The following CCNI variants were observed in gnomAD, a reference collection of about 807,000 sequenced individuals.
CCNI encodes the protein cyclin-I.
A neutral mutation model predicts 34.1 loss-of-function variants in CCNI; 14 were observed. The ratio of observed to expected loss-of-function variants is 0.41; its 90% CI spans 0.27 to 0.64. The LOEUF is 0.64. Ranked by LOEUF, CCNI falls within the 30% of genes least tolerant of loss-of-function variation. The pLI is 0.31. For missense variants in CCNI, 385 were observed against 440.5 expected (o/e 0.87, Z 1.13); for synonymous variants, 154 against 158.4 (o/e 0.97, Z 0.21).
At position 77,058,456 on chromosome 4, in the gene CCNI, C is replaced by T. The variant is rs1728384199; in HGVS notation, c.243+51G>A. 2.7e-6 allele frequency: 4 copies of T among 1,466,860 alleles called. No homozygotes were observed. The East Asian group carries it at 9.2e-5, about 34-fold the overall frequency. The allele number at this position is 1,466,860 out of a possible 1,614,324, so 90.9% of individuals were successfully genotyped here. On this transcript the variant is annotated intron_variant, in intron 3 of 6. Transcript: ENST00000237654. ...TGTTCACTAATAGCCTCTAGTTTAG[C>T]ATACATACACTCAAATGAGGTTATA...
chr4:77,070,474 CT>C (rs543086530), intron 1 of CCNI, among the ~76,000 whole-genome samples: 12,317 of 119,140 alleles, frequency 0.1, 529 homozygotes, highest in African/African-American at 0.15. Context: ...TGGGTACTTT[CT>C]TTTTTTTTTT....
rs777359995 is a variant in CCNI at position 77,055,953 on chromosome 4, T to C, written c.459+9A>G. 1.2e-6 allele frequency: 2 copies of C among 1,602,336 alleles called. No homozygotes were observed. The highest frequency in any genetic ancestry group is 1.7e-6 in the Non-Finnish European group (2 of 1,173,662). On this transcript the variant is annotated intron_variant, in intron 5 of 6. Coordinates refer to ENST00000237654, the MANE Select transcript of CCNI (RefSeq NM_006835.3). ...AAATAAGAAACTAAAAGACTTCAGG[T>C]ATATTTACAATATGAAGAAAATCCA...
intron 1 of CCNI, among the ~76,000 whole-genome samples, chr4:77,067,048 A>G (rs113409133): frequency 5.9e-5 from 9 of 152,266 alleles, no homozygotes; most frequent in African/African-American, 1.9e-4. Flanking sequence ...CCTGGCCAAC[A>G]TGGTGAAACC....
chr4:77,071,493 T>C (rs968502296), intron 1 of CCNI, among the ~76,000 whole-genome samples: 2 of 152,034 alleles, frequency 1.3e-5, no homozygotes, highest in Admixed American at 1.3e-4. Context: ...AGCAAGGAAA[T>C]ACTAAATATT....
In CCNI at chr4:77,075,809, C is replaced by CGG. The variant is rs1161637573; in HGVS notation, c.-383_-382dup. ...TAGGGCGGCGGGGGCCGGGGAGAGG[C>CGG]GGGGGGTGAGACCGGCTCTGCCCCT... On this transcript the variant is annotated 5_prime_UTR_variant, in exon 1 of 7. Transcript: ENST00000237654. 1 of 103,750 alleles carries CGG rather than the reference C, an allele frequency of 9.6e-6. No homozygotes were observed. The highest frequency in any genetic ancestry group is 1.3e-4 in the Admixed American group (1 of 7,874). The allele number at this position is 103,750 out of a possible 1,614,324, so 6.4% of individuals were successfully genotyped here. A position where few individuals can be genotyped will look rare whatever the true frequency, so the allele number is the denominator to read the frequency against.
chr4:77,062,670 A>C (rs1372279568), intron 2 of CCNI, among the ~76,000 whole-genome samples: 1 of 152,220 alleles, frequency 6.6e-6, no homozygotes. Context: ...CCTCTTTTTA[A>C]GATTCCTTAG....
intron 1 of CCNI, among the ~76,000 whole-genome samples, chr4:77,069,828 A>C (rs946262946): frequency 3.3e-5 from 5 of 151,444 alleles, no homozygotes; most frequent in Admixed American, 6.6e-5. Flanking sequence ...TTTTTGATAC[A>C]TCCTTGTTCA....
intron 1 of CCNI, among the ~76,000 whole-genome samples, chr4:77,067,487 A>C (rs533443858): frequency 6.6e-6 from 1 of 152,010 alleles, no homozygotes; most frequent in Non-Finnish European, 1.5e-5. Flanking sequence ...AAATGTCTCT[A>C]GGTTTTATGT....
intron 6 of CCNI, among the ~76,000 whole-genome samples, chr4:77,052,434 A>AGAGGT: frequency 6.6e-6 from 1 of 152,308 alleles, no homozygotes; most frequent in African/African-American, 2.4e-5. Flanking sequence ...AAGGAGAGAA[A>AGAGGT]GAGGTTTAGC....
chr4:77,055,728 A>T (rs1007128837), intron 5 of CCNI, among the ~76,000 whole-genome samples: 1 of 152,174 alleles, frequency 6.6e-6, no homozygotes, highest in African/African-American at 2.4e-5. Flanking sequence ...CAGCCTCTCA[A>T]AGTGCTGGGA....
chr4:77,053,849 G>A (rs1243346843), intron 6 of CCNI, among the ~76,000 whole-genome samples: 1 of 152,078 alleles, frequency 6.6e-6, no homozygotes, highest in Non-Finnish European at 1.5e-5. Context: ...TCATTTAAAT[G>A]GTGGTTTATC....
intron 6 of CCNI, among the ~76,000 whole-genome samples, chr4:77,054,334 A>G (rs1042339881): frequency 3.9e-5 from 6 of 152,352 alleles, no homozygotes; most frequent in African/African-American, 1.4e-4. Flanking sequence ...AAATCCAATA[A>G]AACAAATCAG....
chr4:77,056,552 G>T, intron 3 of CCNI: 2 of 422,076 alleles, frequency 4.7e-6, no homozygotes, highest in Non-Finnish European at 8.7e-6. Context: ...AGGAAGGAAA[G>T]TACACTTGCA....
chr4:77,054,344 G>A (rs1436399556), intron 6 of CCNI, among the ~76,000 whole-genome samples: 2 of 152,060 alleles, frequency 1.3e-5, no homozygotes, highest in African/African-American at 4.8e-5. Context: ...AAACAAATCA[G>A]AATAACTACT....
At position 77,055,612 on chromosome 4, in the gene CCNI, G is replaced by A. The variant is rs376739989; in HGVS notation, c.460-232C>T. Among the ~76,000 whole-genome samples, 27 of 151,934 alleles carry A rather than the reference G, an allele frequency of 1.8e-4. No individual in the cohort carries two copies. The South Asian group carries it at 3.1e-3, about 18-fold the overall frequency. On this transcript the variant is annotated intron_variant, in intron 5 of 6. Transcript: ENST00000237654. ...ATCCTGAGTAGCTGCGATTACAGGCGCCTGCCACCATGCCCGGCTAATTTT... is the reference window on the plus strand; with the variant it reads ...ATCCTGAGTAGCTGCGATTACAGGCACCTGCCACCATGCCCGGCTAATTTT...
rs759069487 is a variant in CCNI, at chr4:77,066,284, A to G, written c.79T>C (p.Trp27Arg). Residue 27 changes from tryptophan to arginine, a missense_variant, in exon 2 of 7, where the codon TGG becomes CGG. Transcript: ENST00000237654. Reference protein sequence around the residue: ...EKAITREAQMWKVNVRKMPSN... With the variant: ...EKAITREAQMRKVNVRKMPSN... Reference sequence around the variant, plus strand: ...GGCATTTTCCGCACATTCACTTTCCACATCTGTGCTTCCCTAGTGATTGCC... The same window carrying G: ...GGCATTTTCCGCACATTCACTTTCCGCATCTGTGCTTCCCTAGTGATTGCC... 6.2e-7 allele frequency: 1 copy of G among 1,614,070 alleles called. No individual in the cohort carries two copies. The highest frequency in any genetic ancestry group is 8.5e-7 in the Non-Finnish European group (1 of 1,179,976).
At chr4:77,070,524 T>C (rs1391123012) in intron 1 of CCNI, among the ~76,000 whole-genome samples, 1 of 151,514 alleles carries the variant, frequency 6.6e-6, no homozygotes, top group East Asian at 1.9e-4. Context: ...TTTAAAAATA[T>C]TCTTTATAAA....
At chr4:77,062,230 G>A (rs1393865345) in intron 2 of CCNI, among the ~76,000 whole-genome samples, 1 of 152,110 alleles carries the variant, frequency 6.6e-6, no homozygotes, top group African/African-American at 2.4e-5. Context: ...ACCTTCCTAT[G>A]TTCCCACAGC....
At chr4:77,072,139 T>C (rs1238599821) in intron 1 of CCNI, among the ~76,000 whole-genome samples, 8 of 151,898 alleles carry the variant, frequency 5.3e-5, no homozygotes. Flanking sequence ...AATCCAGCAA[T>C]ATTAAAAAAA....
Sources: allele counts gnomAD v4.1 joint callset (sites outside exome capture counted in the v4.1 genomes callset), GRCh38; gene constraint gnomAD v4.1.1; transcripts MANE v1.5; gene names NCBI Gene and HGNC (gene_info 2026-07-23, HGNC 2026-07-21).